The following REDIC1 variants were observed in gnomAD, a reference collection of about 807,000 sequenced individuals.
REDIC1 encodes regulator of DNA class I crossover intermediates 1.
At chr12:39,880,766 T>C in the REDIC1 span, among the ~76,000 whole-genome samples, 4 of 152,224 alleles carry the variant, frequency 2.6e-5, no homozygotes, top group African/African-American at 7.2e-5. Flanking sequence ...TCTGGCTTCA[T>C]ACCTCTGGCG....
chr12:39,730,141 G>T, the REDIC1 span, among the ~76,000 whole-genome samples: 1 of 152,014 alleles, frequency 6.6e-6, no homozygotes, highest in Admixed American at 6.6e-5. Flanking sequence ...TTTAATTGGG[G>T]CATTTAGCCC....
At chr12:39,874,736 G>A in the REDIC1 span, among the ~76,000 whole-genome samples, 229 of 152,228 alleles carry the variant, frequency 1.5e-3, 2 homozygotes, top group African/African-American at 5.3e-3. Context: ...TGTATTGTAG[G>A]CAATGGGAAA....
chr12:39,687,061 A>G, the REDIC1 span, among the ~76,000 whole-genome samples: 1 of 152,108 alleles, frequency 6.6e-6, no homozygotes, highest in East Asian at 1.9e-4. Flanking sequence ...CAACTTCACT[A>G]TCAATATCAC....
the REDIC1 span, among the ~76,000 whole-genome samples, chr12:39,803,204 CAAAA>C: frequency 4.1e-5 from 3 of 73,732 alleles, no homozygotes; most frequent in Admixed American, 2.9e-4. Flanking sequence ...GAAGCAAATG[CAAAA>C]AAAAAAAAAA....
At chr12:39,774,784 A>G in the REDIC1 span, among the ~76,000 whole-genome samples, 1 of 152,170 alleles carries the variant, frequency 6.6e-6, no homozygotes. Context: ...TGAATAAAAT[A>G]TTATTTATCT....
the REDIC1 span, chr12:39,756,512 A>G: frequency 6.6e-6 from 1 of 151,894 alleles, no homozygotes; most frequent in African/African-American, 2.4e-5. Flanking sequence ...CCAAAATAAC[A>G]TTCCAACTCT....
the REDIC1 span, among the ~76,000 whole-genome samples, chr12:39,890,609 T>A: frequency 6.6e-6 from 1 of 152,216 alleles, no homozygotes; most frequent in South Asian, 2.1e-4. Context: ...TTTGTGGGAT[T>A]TTTTTCATTT....
the REDIC1 span, among the ~76,000 whole-genome samples, chr12:39,750,317 G>T: frequency 6.6e-6 from 1 of 152,130 alleles, no homozygotes; most frequent in African/African-American, 2.4e-5. Context: ...ATTCACAATT[G>T]CTACAAAGAG....
At chr12:39,795,814 G>C in the REDIC1 span, among the ~76,000 whole-genome samples, 3 of 152,278 alleles carry the variant, frequency 2.0e-5, no homozygotes, top group East Asian at 5.8e-4. Flanking sequence ...AGCCATGGCT[G>C]AGGGAGGAAA....
At chr12:39,904,092 AGGT>A in the REDIC1 span, among the ~76,000 whole-genome samples, 1 of 152,162 alleles carries the variant, frequency 6.6e-6, no homozygotes, top group South Asian at 2.1e-4. Flanking sequence ...TCACAGGTTC[AGGT>A]GGTGAAGTTG....
At chr12:39,888,521 A>G in the REDIC1 span, among the ~76,000 whole-genome samples, 21 of 152,216 alleles carry the variant, frequency 1.4e-4, no homozygotes, top group Non-Finnish European at 2.8e-4. Context: ...CACTGTGTCC[A>G]GCCCATTCTA....
At chr12:39,812,451 TCTTTCTTTCTC>T in the REDIC1 span, among the ~76,000 whole-genome samples, 2 of 151,270 alleles carry the variant, frequency 1.3e-5, no homozygotes, top group African/African-American at 4.9e-5. Context: ...TTCTTCTCTT[TCTTTCTTTCTC>T]CTTTCTTTCT....
At chr12:39,669,595 T>C in the REDIC1 span, among the ~76,000 whole-genome samples, 3 of 152,222 alleles carry the variant, frequency 2.0e-5, no homozygotes, top group Non-Finnish European at 4.4e-5. Flanking sequence ...GACAGGGACA[T>C]TTAAGTGTGC....
the REDIC1 span, among the ~76,000 whole-genome samples, chr12:39,805,156 G>A: frequency 1.4e-5 from 2 of 146,464 alleles, no homozygotes; most frequent in African/African-American, 2.5e-5. Context: ...CCAGGCCAGA[G>A]AGTTGTGTGT....
At chr12:39,903,042 T>G in the REDIC1 span, among the ~76,000 whole-genome samples, 43 of 152,254 alleles carry the variant, frequency 2.8e-4, no homozygotes, top group African/African-American at 9.9e-4. Context: ...ATGAGTAATA[T>G]GAGTATGACT....
chr12:39,901,479 TCAAA>T, the REDIC1 span, among the ~76,000 whole-genome samples: 1 of 137,816 alleles, frequency 7.3e-6, no homozygotes, highest in South Asian at 2.6e-4. Context: ...TACAATGAAC[TCAAA>T]CAAATTTACA....
chr12:39,861,154 C>T, the REDIC1 span, among the ~76,000 whole-genome samples: 7 of 152,306 alleles, frequency 4.6e-5, no homozygotes, highest in South Asian at 1.2e-3. Context: ...CTTTTAAGAG[C>T]TCAGTACAAA....
chr12:39,854,141 C>G, the REDIC1 span, among the ~76,000 whole-genome samples: 110,014 of 151,712 alleles, frequency 0.73, 40,596 homozygotes, highest in African/African-American at 0.86. Flanking sequence ...CTAAGGGAGG[C>G]AGGTGGACAG....
chr12:39,668,392 GC>G, the REDIC1 span, among the ~76,000 whole-genome samples: 1 of 152,050 alleles, frequency 6.6e-6, no homozygotes, highest in African/African-American at 2.4e-5. Flanking sequence ...TTGAATATTG[GC>G]CCCCACTCTC....
Sources: gnomAD v4.1 joint callset for allele counts (sites outside exome capture counted in the v4.1 genomes callset) on GRCh38, gnomAD v4.1.1 for gene constraint, MANE v1.5 for transcripts, NCBI Gene and HGNC (gene_info 2026-07-23, HGNC 2026-07-21) for gene names.